Variants in GREM2 observed in about 807,000 individuals in gnomAD.
GREM2 encodes the protein gremlin-2.
In GREM2, 11 loss-of-function variants were observed where a neutral mutation model predicts 14.2. That is an observed-to-expected ratio of 0.78 (90% confidence interval 0.49 to 1.28). The LOEUF (loss-of-function observed/expected upper bound fraction) is 1.28. GREM2 is among the 50% of genes most tolerant of loss of function. The probability of loss-of-function intolerance (pLI) is 0.00; values close to 1 mark genes in which losing one functional copy is unlikely to be tolerated. For missense variants in GREM2, 210 were observed against 218.5 expected (o/e 0.96, Z 0.24); for synonymous variants, 98 against 97.6 (o/e 1.00, Z -0.02).
intron 1 of GREM2, among the ~76,000 whole-genome samples, chr1:240,597,740 G>A (rs939477981): frequency 1.1e-4 from 16 of 151,998 alleles, no homozygotes; most frequent in African/African-American, 3.1e-4. Context: ...AGTTCTAAGC[G>A]GATGGCTGAT....
intron 1 of GREM2, among the ~76,000 whole-genome samples, chr1:240,563,227 G>T (rs368738685): frequency 4.0e-5 from 6 of 151,290 alleles, no homozygotes; most frequent in Non-Finnish European, 8.8e-5. Flanking sequence ...TTGAGTGTGC[G>T]TGAGAGTGTG....
At chr1:240,507,488 A>G (rs1677704191) in intron 1 of GREM2, among the ~76,000 whole-genome samples, 1 of 152,114 alleles carries the variant, frequency 6.6e-6, no homozygotes, top group Non-Finnish European at 1.5e-5. Flanking sequence ...ATGTGCCACC[A>G]TGCCCGGCTA....
chr1:240,550,984 A>G (rs1470139949), intron 1 of GREM2, among the ~76,000 whole-genome samples: 1 of 152,230 alleles, frequency 6.6e-6, no homozygotes, highest in Non-Finnish European at 1.5e-5. Flanking sequence ...ATAATTTTGA[A>G]AAAAGAATCT....
At chr1:240,535,395 T>C (rs1678450978) in intron 1 of GREM2, among the ~76,000 whole-genome samples, 1 of 152,214 alleles carries the variant, frequency 6.6e-6, no homozygotes, top group South Asian at 2.1e-4. Flanking sequence ...CTACAACATT[T>C]CTTTGAGTTT....
At chr1:240,500,504 C>T (rs781581494) in intron 1 of GREM2, among the ~76,000 whole-genome samples, 11 of 152,004 alleles carry the variant, frequency 7.2e-5, no homozygotes, top group East Asian at 1.9e-4. Context: ...AAGGTTTCAC[C>T]GTGTTGGCCA....
At chr1:240,534,971 G>A (rs189686700) in intron 1 of GREM2, among the ~76,000 whole-genome samples, 112 of 152,254 alleles carry the variant, frequency 7.4e-4, no homozygotes, top group Non-Finnish European at 1.1e-3. Flanking sequence ...GGAAGGGAGA[G>A]ATGATCTGTC....
intron 1 of GREM2, among the ~76,000 whole-genome samples, chr1:240,531,908 G>A (rs1366167496): frequency 5.3e-5 from 8 of 151,272 alleles, no homozygotes; most frequent in Non-Finnish European, 8.8e-5. Context: ...ATTGTCATGT[G>A]AGTTTCTTCA....
At chr1:240,526,472 G>A (rs1678223678) in intron 1 of GREM2, among the ~76,000 whole-genome samples, 1 of 152,150 alleles carries the variant, frequency 6.6e-6, no homozygotes, top group South Asian at 2.1e-4. Flanking sequence ...TTAAAGCTGT[G>A]TTCCCTCTGG....
rs375912371 is a variant in GREM2, at chr1:240,540,421, G to A, written c.-1-46945C>T. 6.6e-6 allele frequency among the ~76,000 whole-genome samples: 1 copy of A among 152,160 alleles called. No individual in the cohort carries two copies. The highest frequency in any genetic ancestry group is 6.5e-5 in the Admixed American group (1 of 15,282). On this transcript the variant is annotated intron_variant, in intron 1 of 1. Coordinates refer to ENST00000318160, the MANE Select transcript of GREM2 (RefSeq NM_022469.4). The surrounding 1 kb of genome is among the most constrained non-coding windows in gnomAD (Gnocchi z 4.2). ...CAAGAAAACAAACAAAACAGGATCA[G>A]GGGATTTGTCCTTGAATGGGCTGTT...
At chr1:240,554,440 C>T (rs1419514968) in intron 1 of GREM2, among the ~76,000 whole-genome samples, 3 of 151,248 alleles carry the variant, frequency 2.0e-5, no homozygotes, top group African/African-American at 7.3e-5. Context: ...TGAGGTCTCA[C>T]TATGTTGCCC....
chr1:240,547,517 ATAT>A (rs1558158073), intron 1 of GREM2, among the ~76,000 whole-genome samples: 123 of 41,812 alleles, frequency 2.9e-3, no homozygotes, highest in African/African-American at 6.3e-3. Flanking sequence ...AAAAAAAAAT[ATAT>A]ATATATATAT....
chr1:240,546,020 C>T (rs1280527137), intron 1 of GREM2, among the ~76,000 whole-genome samples: 2 of 152,160 alleles, frequency 1.3e-5, no homozygotes, highest in East Asian at 3.9e-4. Context: ...TCTCCACAGA[C>T]TCTTCCAATT....
chr1:240,517,544 T>C (rs928433257), intron 1 of GREM2, among the ~76,000 whole-genome samples: 1 of 152,220 alleles, frequency 6.6e-6, no homozygotes, highest in Non-Finnish European at 1.5e-5. Flanking sequence ...TGATAAACCA[T>C]AGTATGTATT....
chr1:240,521,301 G>C (rs1409997662), intron 1 of GREM2, among the ~76,000 whole-genome samples: 1 of 152,182 alleles, frequency 6.6e-6, no homozygotes, highest in Non-Finnish European at 1.5e-5. Flanking sequence ...GGGCGCGGTG[G>C]CTCACGCCTG....
chr1:240,507,062 G>C (rs1302840642), intron 1 of GREM2, among the ~76,000 whole-genome samples: 1 of 152,222 alleles, frequency 6.6e-6, no homozygotes, highest in East Asian at 1.9e-4. Context: ...ATCGGAGGAA[G>C]AGCTGGTTTT....
chr1:240,494,444 C>T (rs558854011), intron 1 of GREM2, among the ~76,000 whole-genome samples: 8 of 152,278 alleles, frequency 5.3e-5, no homozygotes, highest in South Asian at 4.1e-4. Context: ...AGATGGGTGT[C>T]GTTCACAAGT....
At chr1:240,541,073 G>C (rs1429415137) in intron 1 of GREM2, among the ~76,000 whole-genome samples, 2 of 152,194 alleles carry the variant, frequency 1.3e-5, no homozygotes, top group Admixed American at 6.5e-5. Context: ...TGAATACAAA[G>C]AGAAATTTAA....
At chr1:240,562,446 A>G (rs1381362984) in intron 1 of GREM2, among the ~76,000 whole-genome samples, 5 of 152,190 alleles carry the variant, frequency 3.3e-5, no homozygotes, top group Non-Finnish European at 4.4e-5. Context: ...TTGTGCTCTC[A>G]GCGGTTACGA....
intron 1 of GREM2, among the ~76,000 whole-genome samples, chr1:240,539,043 C>T (rs538895528): frequency 7.9e-5 from 12 of 152,300 alleles, no homozygotes; most frequent in Admixed American, 7.8e-4. Context: ...AGGGCTGAGA[C>T]ACCATCTCAT....
Sources: gnomAD v4.1 joint callset for allele counts (sites outside exome capture counted in the v4.1 genomes callset) on GRCh38, gnomAD v4.1.1 for gene constraint, Gnocchi (gnomAD v3.1) non-coding constraint, MANE v1.5 for transcripts, NCBI Gene and HGNC (gene_info 2026-07-23, HGNC 2026-07-21) for gene names.